Variants in GALNT14 observed in about 807,000 individuals in gnomAD.
The protein encoded by GALNT14 is polypeptide N-acetylgalactosaminyltransferase 14, also known as UDP-GalNAc:polypeptide N-acetylgalactosaminyltransferase 14.
In GALNT14, 60 loss-of-function variants were observed where a neutral mutation model predicts 77.5. The observed-to-expected ratio is 0.77, with a 90% CI of 0.63 to 0.96. GALNT14 has a LOEUF of 0.96. Among genes scored for constraint, GALNT14 ranks in the 40% least tolerant of loss-of-function variants. The pLI is 0.00. For missense variants in GALNT14, 710 were observed against 731.0 expected, an observed-to-expected ratio of 0.97 and a Z score of 0.33; for synonymous variants, 280 against 281.7, an observed-to-expected ratio of 0.99 and a Z score of 0.06.
At chr2:30,946,377 A>G (rs1213949698) in intron 6 of GALNT14, among the ~76,000 whole-genome samples, 2 of 152,108 alleles carry the variant, frequency 1.3e-5, no homozygotes, top group Non-Finnish European at 1.5e-5. Flanking sequence ...ATGGCTTAAC[A>G]CTATCCCCTT....
At chr2:31,006,681 A>T (rs1022168514) in intron 1 of GALNT14, among the ~76,000 whole-genome samples, 9 of 152,196 alleles carry the variant, frequency 5.9e-5, no homozygotes, top group Admixed American at 3.9e-4. Context: ...GGCAGGAAGC[A>T]CAGTTGTACA....
At chr2:30,904,665 G>C in the GALNT14 span, among the ~76,000 whole-genome samples, 4 of 152,260 alleles carry the variant, frequency 2.6e-5, no homozygotes, top group Admixed American at 6.5e-5. Flanking sequence ...GGCTTGATTA[G>C]GTAAACAAAG....
intron 14 of GALNT14, among the ~76,000 whole-genome samples, chr2:30,911,364 A>G (rs1664347374): frequency 6.6e-6 from 1 of 152,100 alleles, no homozygotes; most frequent in Non-Finnish European, 1.5e-5. Context: ...GGAGCAACCT[A>G]AGAAACGATC....
the GALNT14 span, among the ~76,000 whole-genome samples, chr2:30,890,902 G>A: frequency 2.0e-5 from 3 of 152,206 alleles, no homozygotes; most frequent in African/African-American, 7.2e-5. Context: ...GGTGGGTGAG[G>A]GGTCAGGACA....
the GALNT14 span, among the ~76,000 whole-genome samples, chr2:30,891,688 A>C: frequency 6.6e-6 from 1 of 152,148 alleles, no homozygotes; most frequent in Non-Finnish European, 1.5e-5. Context: ...GAGCCCAGTC[A>C]GTGCGGATGG....
intron 2 of GALNT14, among the ~76,000 whole-genome samples, chr2:30,978,877 G>A (rs1668808816): frequency 6.6e-6 from 1 of 152,218 alleles, no homozygotes; most frequent in Admixed American, 6.5e-5. Context: ...CACAGCAAGG[G>A]GTGCTGCTCA....
chr2:31,016,358 C>T (rs898091562), intron 1 of GALNT14, among the ~76,000 whole-genome samples: 1 of 152,102 alleles, frequency 6.6e-6, no homozygotes, highest in African/African-American at 2.4e-5. Context: ...GCCATCTCTC[C>T]AAATACAGTC....
chr2:31,004,532 C>G (rs1394224031), intron 1 of GALNT14, among the ~76,000 whole-genome samples: 1 of 152,088 alleles, frequency 6.6e-6, no homozygotes, highest in African/African-American at 2.4e-5. Flanking sequence ...GATGCAGGGT[C>G]AACTCATCAG....
At chr2:31,123,046 G>T (rs1678495166) in intron 1 of GALNT14, among the ~76,000 whole-genome samples, 1 of 152,008 alleles carries the variant, frequency 6.6e-6, no homozygotes, top group Admixed American at 6.6e-5. Flanking sequence ...GCCGGGCGGG[G>T]TGACGGGCAC....
chr2:31,086,258 G>A (rs1488372471), intron 1 of GALNT14, among the ~76,000 whole-genome samples: 1 of 152,186 alleles, frequency 6.6e-6, no homozygotes, highest in Non-Finnish European at 1.5e-5. Context: ...TCAACTTGCG[G>A]CTACCCTCTA....
chr2:31,059,308 C>A (rs957269037), intron 1 of GALNT14, among the ~76,000 whole-genome samples: 2 of 152,082 alleles, frequency 1.3e-5, no homozygotes, highest in African/African-American at 4.8e-5. Context: ...ATTTCTATTT[C>A]TAATAGAAAT....
intron 9 of GALNT14, among the ~76,000 whole-genome samples, chr2:30,933,646 T>C (rs72785202): frequency 1.7e-4 from 26 of 152,284 alleles, no homozygotes; most frequent in Admixed American, 3.3e-4. Context: ...GTGGGGACCA[T>C]GTAGACTCAA....
In GALNT14 at chr2:30,910,491, C is replaced by A. The variant is rs548675245; in HGVS notation, c.*410G>T. 1.4e-4 allele frequency: 22 copies of A among 159,634 alleles called. No individual in the cohort carries two copies. Among genetic ancestry groups the A allele is most frequent in the Admixed American group, 4.4e-4 (7 of 15,918 alleles). The allele number at this position is 159,634 out of a possible 1,614,324, so 9.9% of individuals were successfully genotyped here. A position where few individuals can be genotyped will look rare whatever the true frequency, so the allele number is the denominator to read the frequency against. On this transcript the variant is annotated 3_prime_UTR_variant, in exon 15 of 15. Transcript: ENST00000349752. Reference sequence around the variant, plus strand: ...GTCCAGAGACAACTTCTAAGTTTCTCTTTATTTCTTTTGGAAACAACCTCC... The same window carrying A: ...GTCCAGAGACAACTTCTAAGTTTCTATTTATTTCTTTTGGAAACAACCTCC...
intron 1 of GALNT14, among the ~76,000 whole-genome samples, chr2:31,014,556 GC>G: frequency 6.6e-6 from 1 of 152,182 alleles, no homozygotes. Context: ...GCCAGTGGAT[GC>G]CCCCTTCTGA....
intron 1 of GALNT14, chr2:31,129,362 G>A (rs896595897): frequency 1.0e-6 from 1 of 985,052 alleles, no homozygotes; most frequent in African/African-American, 1.7e-5. Context: ...AAGTGGTGGG[G>A]AAAAAAGCTA....
chr2:31,137,608 G>A (rs928133207), intron 1 of GALNT14, among the ~76,000 whole-genome samples: 23 of 152,098 alleles, frequency 1.5e-4, no homozygotes, highest in African/African-American at 5.3e-4. Flanking sequence ...CCGACCGCCG[G>A]CGACTCTCTG....
intron 3 of GALNT14, among the ~76,000 whole-genome samples, chr2:30,962,292 C>T (rs1667739434): frequency 6.6e-6 from 1 of 152,252 alleles, no homozygotes; most frequent in Non-Finnish European, 1.5e-5. Flanking sequence ...AACTTGCTTG[C>T]TTGTGATCAC....
At chr2:31,026,072 G>C (rs533610192) in intron 1 of GALNT14, among the ~76,000 whole-genome samples, 64 of 152,270 alleles carry the variant, frequency 4.2e-4, no homozygotes, top group Non-Finnish European at 7.4e-4. Context: ...GCCTAACTGA[G>C]CTACCACATA....
At chr2:30,894,028 C>A in the GALNT14 span, among the ~76,000 whole-genome samples, 1 of 151,890 alleles carries the variant, frequency 6.6e-6, no homozygotes, top group Non-Finnish European at 1.5e-5. Context: ...ACTTTCTAGG[C>A]GAAAAGGAAA....
Sources: gnomAD v4.1 joint callset for allele counts (sites outside exome capture counted in the v4.1 genomes callset) on GRCh38, gnomAD v4.1.1 for gene constraint, MANE v1.5 for transcripts, NCBI Gene and HGNC (gene_info 2026-07-23, HGNC 2026-07-21) for gene names.